Variants in CIMIP6 observed in about 807,000 individuals in gnomAD.
The protein encoded by CIMIP6 is uncharacterized protein C2orf73.
the CIMIP6 span, among the ~76,000 whole-genome samples, chr2:54,348,695 A>G: frequency 6.6e-5 from 10 of 152,218 alleles, no homozygotes; most frequent in Non-Finnish European, 1.0e-4. Flanking sequence ...AAACTAGTCT[A>G]TATGTGCCAG....
the CIMIP6 span, chr2:54,335,000 T>A: frequency 6.2e-7 from 1 of 1,601,788 alleles, no homozygotes; most frequent in Non-Finnish European, 8.5e-7. Context: ...CCTACATAGA[T>A]CCCAAAAAAG....
At chr2:54,364,648 A>G in the CIMIP6 span, among the ~76,000 whole-genome samples, 1 of 152,232 alleles carries the variant, frequency 6.6e-6, no homozygotes, top group Non-Finnish European at 1.5e-5. Context: ...GTTAACCAAC[A>G]GGGCAATGCT....
chr2:54,373,781 C>T, the CIMIP6 span, among the ~76,000 whole-genome samples: 29 of 152,252 alleles, frequency 1.9e-4, no homozygotes, highest in African/African-American at 7.0e-4. Context: ...GGAAGTCTCC[C>T]AAAAAGTCAG....
chr2:54,343,618 C>T, the CIMIP6 span: 4 of 802,598 alleles, frequency 5.0e-6, no homozygotes, highest in East Asian at 1.2e-4. Flanking sequence ...GGGATATCCA[C>T]TAACTTGTTA....
At chr2:54,370,022 G>T in the CIMIP6 span, among the ~76,000 whole-genome samples, 1 of 152,112 alleles carries the variant, frequency 6.6e-6, no homozygotes, top group Non-Finnish European at 1.5e-5. Context: ...CTTTGGGAGG[G>T]CGAGACAGGT....
chr2:54,355,109 T>C, the CIMIP6 span, among the ~76,000 whole-genome samples: 1 of 152,144 alleles, frequency 6.6e-6, no homozygotes, highest in South Asian at 2.1e-4. Context: ...GAAAATTTGG[T>C]TGGATATAAA....
chr2:54,383,094 A>C, the CIMIP6 span: 1 of 151,980 alleles, frequency 6.6e-6, no homozygotes, highest in Non-Finnish European at 1.5e-5. Flanking sequence ...TTGTAATGAC[A>C]CTCAATCAGC....
At chr2:54,346,385 C>T in the CIMIP6 span, among the ~76,000 whole-genome samples, 1 of 152,118 alleles carries the variant, frequency 6.6e-6, no homozygotes, top group African/African-American at 2.4e-5. Context: ...TCAAAGGAAC[C>T]AGTCTAAAAA....
the CIMIP6 span, among the ~76,000 whole-genome samples, chr2:54,363,651 T>A: frequency 7.0e-5 from 10 of 143,324 alleles, no homozygotes; most frequent in East Asian, 3.9e-4. Context: ...TATTTAAAAA[T>A]TTTTTTTTCT....
the CIMIP6 span, chr2:54,344,015 C>A: frequency 1.4e-6 from 1 of 698,864 alleles, no homozygotes; most frequent in Non-Finnish European, 2.1e-6. Context: ...AAATACAGCC[C>A]TTGGGAAGTT....
chr2:54,337,519 T>C, the CIMIP6 span, among the ~76,000 whole-genome samples: 2 of 152,214 alleles, frequency 1.3e-5, no homozygotes, highest in Admixed American at 6.5e-5. Flanking sequence ...GACTCTGAGC[T>C]CTAGTTCAGG....
At chr2:54,381,134 T>C in the CIMIP6 span, among the ~76,000 whole-genome samples, 728 of 152,284 alleles carry the variant, frequency 4.8e-3, 8 homozygotes, top group African/African-American at 0.017. Flanking sequence ...TTTCCCTCTT[T>C]CCTGCATCAA....
chr2:54,368,763 C>T, the CIMIP6 span, among the ~76,000 whole-genome samples: 1 of 152,178 alleles, frequency 6.6e-6, no homozygotes, highest in Non-Finnish European at 1.5e-5. Context: ...CAGGTAGTTT[C>T]CCTGATTGGC....
the CIMIP6 span, chr2:54,334,870 T>A: frequency 6.4e-7 from 1 of 1,555,616 alleles, no homozygotes; most frequent in Non-Finnish European, 8.7e-7. Flanking sequence ...AATGAAGAAA[T>A]TAAACACGAA....
chr2:54,336,293 A>G, the CIMIP6 span, among the ~76,000 whole-genome samples: 4 of 152,102 alleles, frequency 2.6e-5, no homozygotes, highest in African/African-American at 9.7e-5. Flanking sequence ...ACAGCTACTG[A>G]TCTGTTTTCC....
At chr2:54,338,443 A>C in the CIMIP6 span, among the ~76,000 whole-genome samples, 31 of 75,418 alleles carry the variant, frequency 4.1e-4, 7 homozygotes, top group East Asian at 6.9e-3. Flanking sequence ...TCTAAAAACA[A>C]ATTTTAAAAT....
the CIMIP6 span, among the ~76,000 whole-genome samples, chr2:54,351,420 T>C: frequency 5.3e-5 from 8 of 152,180 alleles, no homozygotes; most frequent in African/African-American, 1.7e-4. Context: ...GTGGCACATA[T>C]ACACCGTGGA....
At chr2:54,379,482 G>C in the CIMIP6 span, among the ~76,000 whole-genome samples, 1 of 152,272 alleles carries the variant, frequency 6.6e-6, no homozygotes, top group Non-Finnish European at 1.5e-5. Flanking sequence ...TTGGGGATGA[G>C]GTGAGATCTG....
At chr2:54,331,029 T>C in the CIMIP6 span, 2 of 1,613,068 alleles carry the variant, frequency 1.2e-6, no homozygotes, top group Non-Finnish European at 1.7e-6. Flanking sequence ...GTGTCTTATT[T>C]CCCTTTCCAA....
Sources: allele counts gnomAD v4.1 joint callset (sites outside exome capture counted in the v4.1 genomes callset), GRCh38; gene constraint gnomAD v4.1.1; transcripts MANE v1.5; gene names NCBI Gene and HGNC (gene_info 2026-07-23, HGNC 2026-07-21).